EIF4A3: variants seen among roughly 807,000 people sequenced by gnomAD.
EIF4A3 encodes eukaryotic initiation factor 4A-III.
Under a neutral mutation model 55.6 loss-of-function variants are expected in EIF4A3, and 1 was observed. That is an observed-to-expected ratio of 0.02 (90% CI 0.01 to 0.09). The LOEUF (loss-of-function observed/expected upper bound fraction) is 0.09. EIF4A3 is among the 10% of genes least tolerant of loss of function. EIF4A3 has a pLI of 1.00. For missense variants in EIF4A3, 221 were observed against 540.7 expected, an observed-to-expected ratio of 0.41 and a Z score of 5.86; for synonymous variants, 194 against 196.3, an observed-to-expected ratio of 0.99 and a Z score of 0.10.
chr17:80,146,382 T>C (rs1404692354), intron 1 of EIF4A3, among the ~76,000 whole-genome samples: 1 of 152,046 alleles, frequency 6.6e-6, no homozygotes, highest in Non-Finnish European at 1.5e-5. Flanking sequence ...GTTCTTCAGG[T>C]TGCCTGGGCA....
chr17:80,139,981 A>G, intron 5 of EIF4A3, 27 bp downstream of exon 5: 2 of 1,605,012 alleles, frequency 1.2e-6, no homozygotes, highest in Non-Finnish European at 1.7e-6. Flanking sequence ...TACCGGCAGC[A>G]CCATTTTTAG....
intron 4 of EIF4A3, 34 bp from the exon 5 acceptor site, chr17:80,140,174 GA>G: frequency 6.6e-7 from 1 of 1,507,792 alleles, no homozygotes; most frequent in Non-Finnish European, 8.9e-7. Context: ...TCCAGGGTGG[GA>G]GAGAGAAACA....
At chr17:80,137,306 G>T in intron 9 of EIF4A3, 80 bp downstream of exon 9, 2 of 1,261,794 alleles carry the variant, frequency 1.6e-6, no homozygotes, top group Non-Finnish European at 2.2e-6. Flanking sequence ...TGTGGGGCCT[G>T]CACTTAGGCG....
In EIF4A3 at chr17:80,135,386, A is replaced by C; in HGVS notation, c.*104T>G. Reference sequence around the variant, plus strand: ...GGGAGACGGCAGGCCATTTATGAGAAGAAAGTCCATATAAACCCCATTAAG... The same window carrying C: ...GGGAGACGGCAGGCCATTTATGAGACGAAAGTCCATATAAACCCCATTAAG... On this transcript the variant is annotated 3_prime_UTR_variant, in exon 12 of 12. Transcript: ENST00000649764. 7.3e-7 allele frequency: 1 copy of C among 1,366,778 alleles called. No homozygotes were observed. The highest frequency in any genetic ancestry group is 9.8e-7 in the Non-Finnish European group (1 of 1,023,080). The allele number at this position is 1,366,778 out of a possible 1,614,324, so 84.7% of individuals were successfully genotyped here. A position where few individuals can be genotyped will look rare whatever the true frequency, so the allele number is the denominator to read the frequency against.
chr17:80,137,642 T>C (rs1293105002), intron 8 of EIF4A3, 141 bp from the exon 9 acceptor site: 6 of 675,732 alleles, frequency 8.9e-6, no homozygotes, highest in Non-Finnish European at 4.9e-6. Flanking sequence ...TCATCCTAAC[T>C]GGATGTAAAA....
chr17:80,141,498 C>T (rs1395551170), intron 3 of EIF4A3, 117 bp from the exon 4 acceptor site: 1 of 1,090,690 alleles, frequency 9.2e-7, no homozygotes, highest in Admixed American at 2.3e-5. Flanking sequence ...TACTTCTCAT[C>T]TCTTACAGGT....
chr17:80,147,074 T>TGCCGACCTCGCTGTGCCGCG lies in EIF4A3; in HGVS notation c.-114_-113insCGCGGCACAGCGAGGTCGGC. On this transcript the variant is annotated 5_prime_UTR_variant, in exon 1 of 12. Transcript: ENST00000649764. ...GCCGCTGCCGACCTCGCTGTGCCGC[T>TGCCGACCTCGCTGTGCCGCG]GCCGACCTCGCTGTGCCGCTGCCGA... 7.3e-7 allele frequency: 1 copy of TGCCGACCTCGCTGTGCCGCG among 1,374,236 alleles called. No homozygotes were observed. Among genetic ancestry groups the TGCCGACCTCGCTGTGCCGCG allele is most frequent in the Non-Finnish European group, 9.4e-7 (1 of 1,064,502 alleles). The allele number at this position is 1,374,236 out of a possible 1,614,324, so 85.1% of individuals were successfully genotyped here. A position where few individuals can be genotyped will look rare whatever the true frequency, so the allele number is the denominator to read the frequency against.
chr17:80,139,862 C>G lies in EIF4A3; in HGVS notation c.506-112G>C, dbSNP rs1487195369. On this transcript the variant is annotated intron_variant, in intron 5 of 11. Coordinates refer to ENST00000649764, the MANE Select transcript of EIF4A3 (RefSeq NM_014740.4). ...TCATCATTCCACTGGTCTCAGGGTTCCAGAGACCTTCCCTCTACCTCCTGC... is the reference window on the plus strand; with the variant it reads ...TCATCATTCCACTGGTCTCAGGGTTGCAGAGACCTTCCCTCTACCTCCTGC... The G allele has an allele frequency of 6.0e-6, 9 of 1,495,394 alleles. No homozygotes were observed. The Middle Eastern group carries it at 5.4e-4, about 89-fold the overall frequency. 92.6% of individuals were successfully genotyped at this position (1,495,394 alleles called of 1,614,324 possible).
chr17:80,137,528 T>C (rs2039582151), intron 8 of EIF4A3, 27 bp from the exon 9 acceptor site: 4 of 1,583,740 alleles, frequency 2.5e-6, no homozygotes, highest in African/African-American at 1.3e-5. Flanking sequence ...CAGATGCTAC[T>C]GCAAGCTAGT....
chr17:80,147,115 GC>G lies in EIF4A3; in HGVS notation c.-155del. ...CCGCTGCCGACCTCGCTGTGCCGCT[GC>G]CGACCTCGCTGTGCCGCTGCCGAGA... On this transcript the variant is annotated 5_prime_UTR_variant, in exon 1 of 12. Coordinates refer to ENST00000649764, the MANE Select transcript of EIF4A3 (RefSeq NM_014740.4). 8.4e-7 allele frequency: 1 copy of G among 1,191,948 alleles called. No homozygotes were observed. The highest frequency in any genetic ancestry group is 1.1e-6 in the Non-Finnish European group (1 of 908,008). 73.8% of individuals were successfully genotyped at this position (1,191,948 alleles called of 1,614,324 possible).
chr17:80,143,899 G>A (rs911445353), intron 2 of EIF4A3, among the ~76,000 whole-genome samples: 10 of 152,186 alleles, frequency 6.6e-5, no homozygotes, highest in African/African-American at 2.4e-4. Flanking sequence ...AGAATAGCTT[G>A]AAACTGAGAG....
chr17:80,136,508 C>T (rs2039571527), intron 9 of EIF4A3, 173 bp from the exon 10 acceptor site: 1 of 602,950 alleles, frequency 1.7e-6, no homozygotes. Context: ...CACCAGAAAC[C>T]CCTGTGCAGA....
intron 11 of EIF4A3, 144 bp from the exon 12 acceptor site, chr17:80,135,650 C>G (rs997527419): frequency 2.8e-6 from 2 of 723,650 alleles, no homozygotes; most frequent in African/African-American, 3.6e-5. Context: ...AATCCCAGCA[C>G]TTTGGGAGGC....
rs201462760 is a variant in EIF4A3 at position 80,144,469 on chromosome 17, A to G, written c.170-225T>C. Among the ~76,000 whole-genome samples the G allele has an allele frequency of 1.2e-4, 18 of 152,076 alleles. No homozygotes were observed. The East Asian group carries it at 3.3e-3, about 28-fold the overall frequency. Reference sequence around the variant, plus strand: ...TTGTAAAGACCAATCTCTATTTTTAAAAAACCACCAAATTGTAGAATATAG... The same window carrying G: ...TTGTAAAGACCAATCTCTATTTTTAGAAAACCACCAAATTGTAGAATATAG... On this transcript the variant is annotated intron_variant, in intron 1 of 11. Coordinates refer to ENST00000649764, the MANE Select transcript of EIF4A3 (RefSeq NM_014740.4).
At chr17:80,136,433 G>A in intron 9 of EIF4A3, 98 bp from the exon 10 acceptor site, 1 of 940,476 alleles carries the variant, frequency 1.1e-6, no homozygotes. Flanking sequence ...CTGGCTGCAG[G>A]TCCAAAATAT....
Position 80,134,990 on chromosome 17 carries a change from A to G in EIF4A3, c.*500T>C, listed in dbSNP as rs1468511599. Among the ~76,000 whole-genome samples, 2 of 151,986 alleles carry G rather than the reference A, an allele frequency of 1.3e-5. No homozygotes were observed. The highest frequency in any genetic ancestry group is 2.9e-5 in the Non-Finnish European group (2 of 67,974). ...CACGGTGAAACCCCGTCTCTACTGA[A>G]AATACAAAAAAATTAGCCTGGCATG... On this transcript the variant is annotated 3_prime_UTR_variant, in exon 12 of 12. Coordinates refer to ENST00000649764, the MANE Select transcript of EIF4A3 (RefSeq NM_014740.4).
chr17:80,135,993 C>G lies in EIF4A3; in HGVS notation c.1219+11G>C. ...CCTCTACAATTACAGTAGAGCTGGACGATTTCCTACCGTTCATCGGCATCT... is the reference window on the plus strand; with the variant it reads ...CCTCTACAATTACAGTAGAGCTGGAGGATTTCCTACCGTTCATCGGCATCT... On this transcript the variant is annotated intron_variant, in intron 11 of 11. Coordinates refer to ENST00000649764, the MANE Select transcript of EIF4A3 (RefSeq NM_014740.4). The G allele has an allele frequency of 6.2e-7, 1 of 1,613,082 alleles. No individual in the cohort carries two copies.
At chr17:80,137,743 T>A in intron 8 of EIF4A3, 1 of 503,692 alleles carries the variant, frequency 2.0e-6, no homozygotes, top group Non-Finnish European at 3.5e-6. Flanking sequence ...GGGGGCCAGG[T>A]GTGCTCATTC....
In EIF4A3 at chr17:80,147,084, G is replaced by A. The variant is rs986558421; in HGVS notation, c.-123C>T. ...ACCTCGCTGTGCCGCTGCCGACCTC[G>A]CTGTGCCGCTGCCGACCTCGCTGTG... is the stretch of plus-strand genomic sequence containing the variant. On this transcript the variant is annotated 5_prime_UTR_variant, in exon 1 of 12. Transcript: ENST00000649764. The A allele has an allele frequency of 3.8e-6, 5 of 1,326,446 alleles. No individual in the cohort carries two copies. Among genetic ancestry groups the A allele is most frequent in the Non-Finnish European group, 4.8e-6 (5 of 1,031,652 alleles). 82.2% of individuals were successfully genotyped at this position (1,326,446 alleles called of 1,614,324 possible).
Sources: gnomAD v4.1 joint callset for allele counts (sites outside exome capture counted in the v4.1 genomes callset) on GRCh38, gnomAD v4.1.1 for gene constraint, MANE v1.5 for transcripts, NCBI Gene and HGNC (gene_info 2026-07-23, HGNC 2026-07-21) for gene names.